PDE4D: variants seen among roughly 807,000 people sequenced by gnomAD.
PDE4D encodes phosphodiesterase 4D, also known as 3',5'-cyclic-AMP phosphodiesterase 4D.
A neutral mutation model predicts 87.4 loss-of-function variants in PDE4D; 24 were observed. The ratio of observed to expected loss-of-function variants is 0.27; its 90% CI spans 0.20 to 0.39. The LOEUF is 0.39. Ranked by LOEUF, PDE4D falls within the 10% of genes least tolerant of loss-of-function variation. The pLI is 1.00. For synonymous variants in PDE4D, 384 were observed against 383.2 expected (o/e 1.00, Z -0.02); for missense variants, 714 against 1,041.0 (o/e 0.69, Z 4.32).
chr5:59,813,188 A>G (rs2963820), intron 1 of PDE4D, among the ~76,000 whole-genome samples: 25,064 of 152,112 alleles, frequency 0.16, 2,297 homozygotes, highest in Middle Eastern at 0.27. Context: ...ACTCCCTTAC[A>G]ACAATCAGGG....
intron 1 of PDE4D, among the ~76,000 whole-genome samples, chr5:60,261,164 A>T (rs1351583655): frequency 1.3e-5 from 2 of 152,168 alleles, no homozygotes; most frequent in Non-Finnish European, 2.9e-5. Flanking sequence ...GGTAAAAATT[A>T]CAGCTAAAAT....
chr5:60,440,061 T>C (rs1461980899), intron 1 of PDE4D, among the ~76,000 whole-genome samples: 1 of 152,104 alleles, frequency 6.6e-6, no homozygotes, highest in Admixed American at 6.6e-5. Context: ...TGATGATCTG[T>C]GAGTTTCTAA....
chr5:59,144,431 T>C (rs1824788), intron 5 of PDE4D, among the ~76,000 whole-genome samples: 74,347 of 151,906 alleles, frequency 0.49, 18,362 homozygotes, highest in Admixed American at 0.54. Context: ...TGTTCAGAGA[T>C]GACAAAATGA....
intron 1 of PDE4D, among the ~76,000 whole-genome samples, chr5:59,857,506 A>C (rs185351): frequency 1.3e-5 from 2 of 151,930 alleles, no homozygotes; most frequent in Non-Finnish European, 2.9e-5. Context: ...GAATATCACA[A>C]AGGGAGGGAT....
chr5:60,341,479 C>G (rs6865707), intron 1 of PDE4D, among the ~76,000 whole-genome samples: 31,613 of 152,108 alleles, frequency 0.21, 4,488 homozygotes, highest in African/African-American at 0.41. Context: ...AGAAGTGGAG[C>G]TGGAGGGGTA....
chr5:59,519,537 A>G (rs1605275), intron 1 of PDE4D, among the ~76,000 whole-genome samples: 62,925 of 151,996 alleles, frequency 0.41, 14,804 homozygotes, highest in African/African-American at 0.65. Context: ...CAGTGAAGTC[A>G]GAGTGGAGAA....
intron 1 of PDE4D, chr5:60,304,141 C>A (rs866023418): frequency 6.6e-6 from 1 of 152,116 alleles, no homozygotes; most frequent in Non-Finnish European, 1.5e-5. Flanking sequence ...ATATGTTCTG[C>A]CAAAGCAAAC....
chr5:60,064,001 T>C (rs995724671), intron 2 of PDE4D, among the ~76,000 whole-genome samples: 4 of 152,076 alleles, frequency 2.6e-5, no homozygotes, highest in African/African-American at 9.7e-5. Flanking sequence ...ATTATGCATC[T>C]TTTGAACACA....
rs536539817 is a variant in PDE4D at position 59,285,275 on chromosome 5, C to T, written c.456-69307G>A. Among the ~76,000 whole-genome samples, 109 of 150,986 alleles carry T rather than the reference C, an allele frequency of 7.2e-4. No individual in the cohort carries two copies. In the South Asian group the frequency reaches 0.023, roughly 31 times the overall value. ...GCATCTTTGTATTCAGAATACCTAGCACAATATCTGGCTTACAAGGTATTT... is the reference window on the plus strand; with the variant it reads ...GCATCTTTGTATTCAGAATACCTAGTACAATATCTGGCTTACAAGGTATTT... On this transcript the variant is annotated intron_variant, in intron 1 of 14. Coordinates refer to ENST00000340635, the MANE Select transcript of PDE4D (RefSeq NM_001104631.2).
chr5:59,740,770 C>T (rs1373676819), intron 1 of PDE4D, among the ~76,000 whole-genome samples: 1 of 152,132 alleles, frequency 6.6e-6, no homozygotes, highest in Admixed American at 6.6e-5. Context: ...ACCCAACACT[C>T]TCCTTTTAAA....
At chr5:58,980,077 A>C (rs778455944) in intron 11 of PDE4D, among the ~76,000 whole-genome samples, 1 of 152,226 alleles carries the variant, frequency 6.6e-6, no homozygotes, top group African/African-American at 2.4e-5. Context: ...TCTTTTAGGA[A>C]GATACTGTTG....
At chr5:59,147,614 C>G (rs1581058265) in intron 5 of PDE4D, among the ~76,000 whole-genome samples, 1 of 152,136 alleles carries the variant, frequency 6.6e-6, no homozygotes, top group East Asian at 1.9e-4. Context: ...AGTTTTGATA[C>G]TGTTGAAATC....
At chr5:59,787,253 A>T (rs1765275141) in intron 1 of PDE4D, among the ~76,000 whole-genome samples, 1 of 152,190 alleles carries the variant, frequency 6.6e-6, no homozygotes. Flanking sequence ...ACAGCTCTGT[A>T]ACTTCGTCTC....
chr5:58,979,130 T>C (rs971697765), intron 11 of PDE4D, among the ~76,000 whole-genome samples: 2 of 152,132 alleles, frequency 1.3e-5, no homozygotes, highest in African/African-American at 2.4e-5. Context: ...AAGAATAAGA[T>C]GATGAGCTCT....
intron 1 of PDE4D, among the ~76,000 whole-genome samples, chr5:59,243,265 T>C (rs991182005): frequency 6.6e-6 from 1 of 152,050 alleles, no homozygotes; most frequent in Admixed American, 6.6e-5. Context: ...TTTGACCAGC[T>C]TTAGAAGGCA....
chr5:59,276,043 A>C, intron 1 of PDE4D: 2 of 983,396 alleles, frequency 2.0e-6, no homozygotes, highest in Non-Finnish European at 2.4e-6. Flanking sequence ...ATTCAATCTC[A>C]CCAGGCAGAA....
intron 5 of PDE4D, among the ~76,000 whole-genome samples, chr5:59,068,292 T>C (rs1764227667): frequency 6.6e-6 from 1 of 152,226 alleles, no homozygotes; most frequent in Non-Finnish European, 1.5e-5. Flanking sequence ...TGTGAAATCA[T>C]TGTCTATACA....
At chr5:60,201,206 C>CAA (rs1161235940) in intron 1 of PDE4D, among the ~76,000 whole-genome samples, 12 of 61,964 alleles carry the variant, frequency 1.9e-4, no homozygotes, top group African/African-American at 4.8e-4. Flanking sequence ...AAAAAGAAAG[C>CAA]AAAAAAAAAA....
chr5:59,944,856 T>A (rs997101308), intron 3 of PDE4D, among the ~76,000 whole-genome samples: 8 of 152,156 alleles, frequency 5.3e-5, no homozygotes, highest in Non-Finnish European at 1.0e-4. Flanking sequence ...TTCCTGCTCT[T>A]CCTCCTTCCC....
Sources: gnomAD v4.1 joint callset for allele counts (sites outside exome capture counted in the v4.1 genomes callset) on GRCh38, gnomAD v4.1.1 for gene constraint, MANE v1.5 for transcripts, NCBI Gene and HGNC (gene_info 2026-07-23, HGNC 2026-07-21) for gene names.